The following KLHL32 variants were observed in gnomAD, a reference collection of about 807,000 sequenced individuals.
KLHL32 encodes kelch-like protein 32.
Under a neutral mutation model 64.8 loss-of-function variants are expected in KLHL32, and 35 were observed. That is an observed-to-expected ratio of 0.54 (90% confidence interval 0.41 to 0.72). The LOEUF (loss-of-function observed/expected upper bound fraction) is 0.72. Ranked by LOEUF, KLHL32 falls within the 30% of genes least tolerant of loss-of-function variation. KLHL32 has a pLI of 0.00. For missense variants in KLHL32, 589 were observed against 768.5 expected, an observed-to-expected ratio of 0.77 and a Z score of 2.76; for synonymous variants, 259 against 281.0, an observed-to-expected ratio of 0.92 and a Z score of 0.78.
intron 4 of KLHL32, among the ~76,000 whole-genome samples, chr6:97,062,108 C>T (rs911154578): frequency 6.6e-6 from 1 of 152,164 alleles, no homozygotes; most frequent in Non-Finnish European, 1.5e-5. Flanking sequence ...AAACAATCGC[C>T]GTATGGGTTT....
intron 7 of KLHL32, among the ~76,000 whole-genome samples, chr6:97,121,620 G>A (rs748966147): frequency 6.6e-6 from 1 of 152,022 alleles, no homozygotes; most frequent in Non-Finnish European, 1.5e-5. Context: ...TTTAAAATTG[G>A]TGTTGTAAAG....
At chr6:97,009,718 A>G (rs1331737382) in intron 3 of KLHL32, among the ~76,000 whole-genome samples, 1 of 152,222 alleles carries the variant, frequency 6.6e-6, no homozygotes, top group Non-Finnish European at 1.5e-5. Flanking sequence ...GTAGAAGGAA[A>G]GACTGCCTGT....
At chr6:96,930,948 T>C (rs763539022) in intron 1 of KLHL32, among the ~76,000 whole-genome samples, 8 of 152,172 alleles carry the variant, frequency 5.3e-5, no homozygotes, top group African/African-American at 1.9e-4. Flanking sequence ...GTGTTCTCTG[T>C]AGAATTAATA....
chr6:96,935,337 A>G (rs1266472073), intron 1 of KLHL32, among the ~76,000 whole-genome samples: 1 of 152,184 alleles, frequency 6.6e-6, no homozygotes, highest in African/African-American at 2.4e-5. Context: ...TTTTGACTTG[A>G]AGAAAAAGTC....
At chr6:97,128,045 C>T (rs531263341) in intron 8 of KLHL32, among the ~76,000 whole-genome samples, 1 of 152,092 alleles carries the variant, frequency 6.6e-6, no homozygotes, top group Non-Finnish European at 1.5e-5. Context: ...TATGGATGAA[C>T]CTTGGCAATT....
the KLHL32 span, among the ~76,000 whole-genome samples, chr6:96,910,254 A>G: frequency 6.6e-6 from 1 of 152,086 alleles, no homozygotes; most frequent in African/African-American, 2.4e-5. Context: ...CCAGGGAAAA[A>G]GAACAAGAAA....
intron 6 of KLHL32, among the ~76,000 whole-genome samples, chr6:97,107,088 C>T (rs1043398408): frequency 1.3e-5 from 2 of 152,044 alleles, no homozygotes; most frequent in African/African-American, 4.8e-5. Flanking sequence ...GTCAGGAGAT[C>T]GAGACCATCT....
chr6:96,900,420 C>T, the KLHL32 span, among the ~76,000 whole-genome samples: 1 of 152,084 alleles, frequency 6.6e-6, no homozygotes, highest in Admixed American at 6.5e-5. Context: ...TCATGTTCTT[C>T]AATAATTTAA....
chr6:96,921,046 G>A (rs528640262), upstream of KLHL32, among the ~76,000 whole-genome samples: 179 of 152,218 alleles, frequency 1.2e-3, no homozygotes, highest in Non-Finnish European at 1.5e-3. Context: ...TGTAGCACTA[G>A]GTATTGTAAT....
intron 3 of KLHL32, chr6:97,010,244 G>GAAGC (rs2307652): frequency 0.65 from 98,519 of 151,494 alleles, 33,899 homozygotes; most frequent in African/African-American, 0.89. Context: ...AGAAGCAATG[G>GAAGC]ATCAGCAGAA....
chr6:97,073,048 C>T (rs1437131103), intron 5 of KLHL32, among the ~76,000 whole-genome samples: 1 of 152,130 alleles, frequency 6.6e-6, no homozygotes, highest in East Asian at 1.9e-4. Context: ...ACACAGTATC[C>T]TACATCGGTG....
intron 5 of KLHL32, among the ~76,000 whole-genome samples, chr6:97,069,521 G>A (rs1272518404): frequency 6.6e-6 from 1 of 151,100 alleles, no homozygotes; most frequent in African/African-American, 2.4e-5. Context: ...TCTGAGTGCT[G>A]TTTTTGCATC....
intron 3 of KLHL32, among the ~76,000 whole-genome samples, chr6:97,033,456 G>T (rs1783865125): frequency 6.6e-6 from 1 of 152,012 alleles, no homozygotes; most frequent in Non-Finnish European, 1.5e-5. Flanking sequence ...TTTCCGTATT[G>T]TGGCTATTGT....
chr6:96,960,768 T>A (rs954675877), intron 1 of KLHL32, among the ~76,000 whole-genome samples: 1 of 152,214 alleles, frequency 6.6e-6, no homozygotes, highest in African/African-American at 2.4e-5. Context: ...ATGTAAGATG[T>A]ACATTGGTTT....
At chr6:97,111,030 T>TGGGG (rs374394888) in intron 6 of KLHL32, among the ~76,000 whole-genome samples, 1 of 142,942 alleles carries the variant, frequency 7.0e-6, no homozygotes, top group African/African-American at 2.6e-5. Context: ...AGAAAAGTCT[T>TGGGG]GGGGGGGGGG....
upstream of KLHL32, among the ~76,000 whole-genome samples, chr6:96,923,132 C>A (rs1296052293): frequency 2.0e-5 from 3 of 152,116 alleles, no homozygotes; most frequent in Non-Finnish European, 4.4e-5. Flanking sequence ...TGTGTAAATG[C>A]AATTATAGTC....
chr6:96,955,390 A>G (rs755109503), intron 1 of KLHL32, among the ~76,000 whole-genome samples: 1 of 151,966 alleles, frequency 6.6e-6, no homozygotes, highest in Non-Finnish European at 1.5e-5. Context: ...TCTATCTTCA[A>G]TAAGTTTTAT....
intron 10 of KLHL32, among the ~76,000 whole-genome samples, chr6:97,133,818 G>A (rs1799693509): frequency 6.6e-6 from 1 of 152,150 alleles, no homozygotes; most frequent in South Asian, 2.1e-4. Context: ...TAATTAACAA[G>A]CTTGTCTGAA....
intron 1 of KLHL32, among the ~76,000 whole-genome samples, chr6:96,957,162 G>T (rs907387221): frequency 5.3e-5 from 8 of 152,150 alleles, no homozygotes; most frequent in Non-Finnish European, 1.2e-4. Context: ...TGTATTAAGC[G>T]CTTAGCACAT....
Sources: allele counts gnomAD v4.1 joint callset (sites outside exome capture counted in the v4.1 genomes callset), GRCh38; gene constraint gnomAD v4.1.1; transcripts MANE v1.5; gene names NCBI Gene and HGNC (gene_info 2026-07-23, HGNC 2026-07-21).